The following BMP2 variants were observed in gnomAD, a reference collection of about 807,000 sequenced individuals.
BMP2 encodes bone morphogenetic protein 2, also known as bone morphogenetic protein 2A.
A neutral mutation model predicts 28.8 loss-of-function variants in BMP2; 2 were observed. That is an observed-to-expected ratio of 0.07 (90% CI 0.03 to 0.22). The LOEUF (loss-of-function observed/expected upper bound fraction) is 0.22, where lower values mean the gene tolerates loss of function less well. BMP2 is among the 10% of genes least tolerant of loss of function. The probability of loss-of-function intolerance (pLI) is 1.00; values close to 1 mark genes in which losing one functional copy is unlikely to be tolerated. For missense variants in BMP2, 437 were observed against 517.7 expected (o/e 0.84, Z 1.51); for synonymous variants, 218 against 204.3 (o/e 1.07, Z -0.57).
chr20:6,769,206 G>A (rs1316974689), intron 1 of BMP2, among the ~76,000 whole-genome samples: 2 of 152,016 alleles, frequency 1.3e-5, no homozygotes, highest in Non-Finnish European at 2.9e-5. Flanking sequence ...AAATCCCTTT[G>A]AGAGGGTAGC....
At chr20:6,772,764 C>T (rs1258233962) in intron 2 of BMP2, among the ~76,000 whole-genome samples, 1 of 152,132 alleles carries the variant, frequency 6.6e-6, no homozygotes, top group African/African-American at 2.4e-5. Flanking sequence ...ATAATGCGAC[C>T]ATATCATAGG....
chr20:6,773,926 G>A (rs991302263), intron 2 of BMP2, among the ~76,000 whole-genome samples: 3 of 152,008 alleles, frequency 2.0e-5, no homozygotes, highest in African/African-American at 7.3e-5. Context: ...TAAAATCCTC[G>A]AAGCATAACG....
intron 2 of BMP2, among the ~76,000 whole-genome samples, chr20:6,773,619 T>G (rs1568548490): frequency 6.6e-6 from 1 of 152,224 alleles, no homozygotes; most frequent in Admixed American, 6.5e-5. Context: ...GTGTTAAGGG[T>G]GGGCAGAGGC....
chr20:6,775,036 G>A (rs1275915367), intron 2 of BMP2, among the ~76,000 whole-genome samples: 2 of 152,148 alleles, frequency 1.3e-5, no homozygotes, highest in Non-Finnish European at 2.9e-5. Flanking sequence ...GAACTTAGAA[G>A]CTCACAAACT....
Position 6,778,733 on chromosome 20 carries a change from A to G in BMP2, c.835A>G (p.Arg279Gly). The G allele has an allele frequency of 6.2e-7, 1 of 1,614,244 alleles. No homozygotes were observed. Reference sequence around the variant, plus strand: ...TGGAAAAGGGCATCCTCTCCACAAAAGAGAAAAACGTCAAGCCAAACACAA... The same window carrying G: ...TGGAAAAGGGCATCCTCTCCACAAAGGAGAAAAACGTCAAGCCAAACACAA... The part of the protein sequence containing the change: ...HDGKGHPLHK[R>G]EKRQAKHKQR... The change falls in exon 3 of 3, where the codon AGA becomes GGA. Residue 279 changes from arginine to glycine, a missense_variant. Physicochemically the swap from Arg to Gly is moderately radical, Grantham distance 125 (BLOSUM62 -2). Transcript: ENST00000378827. The surrounding 1 kb of genome is among the most constrained non-coding windows in gnomAD (Gnocchi z 5.0).
Position 6,770,669 on chromosome 20 carries a change from A to G in BMP2, c.346+197A>G, listed in dbSNP as rs7270163. Among the ~76,000 whole-genome samples, 25,594 of 152,198 alleles carry G rather than the reference A, an allele frequency of 0.17. 2,727 individuals are homozygous for G. Among genetic ancestry groups the G allele is most frequent in the African/African-American group, 0.29 (12,136 of 41,496 alleles). On this transcript the variant is annotated intron_variant, in intron 2 of 2. Transcript: ENST00000378827. ...GTGGGGGAGCCAGGGATTCCCCTTT[A>G]GTAACTCCGCACCCTCTTCCTGGCT...
chr20:6,777,142 A>C (rs974118182), intron 2 of BMP2, among the ~76,000 whole-genome samples: 2 of 152,302 alleles, frequency 1.3e-5, no homozygotes, highest in African/African-American at 4.8e-5. Flanking sequence ...CAAGCATTCA[A>C]GGTGCTGTGT....
chr20:6,770,143 G>T lies in BMP2; in HGVS notation c.17G>T (p.Arg6Leu). ...AGGTCGACCATGGTGGCCGGGACCC[G>T]CTGTCTTCTAGCGTTGCTGCTTCCC... MVAGT[R>L]CLLALLLPQV... Residue 6 changes from arginine (R) to leucine (L), a missense_variant, in exon 2 of 3, where the codon CGC (arginine) becomes CTC (leucine). Arg to Leu is a moderately radical substitution (Grantham distance 102, BLOSUM62 -2). Transcript: ENST00000378827. The T allele has an allele frequency of 1.3e-6, 2 of 1,553,298 alleles. No homozygotes were observed. The highest frequency in any genetic ancestry group is 1.7e-6 in the Non-Finnish European group (2 of 1,149,232).
chr20:6,767,904 C>A lies in BMP2; in HGVS notation c.-979C>A. On this transcript the variant is annotated 5_prime_UTR_variant, in exon 1 of 3. Transcript: ENST00000378827. ...GCACCCGCGCGCCGCAGACCCCGCGCGGGCTGGAGCACCCGGCAGAGCGCG... is the reference window on the plus strand; with the variant it reads ...GCACCCGCGCGCCGCAGACCCCGCGAGGGCTGGAGCACCCGGCAGAGCGCG... 2.7e-6 allele frequency: 1 copy of A among 376,942 alleles called. No homozygotes were observed. Among genetic ancestry groups the A allele is most frequent in the Admixed American group, 4.6e-5 (1 of 21,926 alleles). The allele number at this position is 376,942 out of a possible 1,614,324, so 23.3% of individuals were successfully genotyped here.
chr20:6,772,445 T>C (rs560420891), intron 2 of BMP2, among the ~76,000 whole-genome samples: 1 of 152,368 alleles, frequency 6.6e-6, no homozygotes, highest in East Asian at 1.9e-4. Flanking sequence ...TATATCATCC[T>C]TAATCTGGAT....
chr20:6,769,706 T>C (rs987472319), intron 1 of BMP2, among the ~76,000 whole-genome samples: 3 of 152,012 alleles, frequency 2.0e-5, no homozygotes, highest in Non-Finnish European at 2.9e-5. Context: ...TGTGTGTTTA[T>C]ATGCCAGACA....
rs946355096 is a variant in BMP2, at chr20:6,779,240, C to T, written c.*151C>T. The T allele has an allele frequency of 8.7e-5, 23 of 264,664 alleles. No homozygotes were observed. The highest frequency in any genetic ancestry group is 8.1e-4 in the South Asian group (5 of 6,208). The allele number at this position is 264,664 out of a possible 1,614,324, so 16.4% of individuals were successfully genotyped here. A position where few individuals can be genotyped will look rare whatever the true frequency, so the allele number is the denominator to read the frequency against. ...TGGAATGGAATGGAAAAAAAAACAG[C>T]TATTTTGAAAATATATTTATATCTA... On this transcript the variant is annotated 3_prime_UTR_variant, in exon 3 of 3. Coordinates refer to ENST00000378827, the MANE Select transcript of BMP2 (RefSeq NM_001200.4).
chr20:6,777,567 G>A (rs924965318), intron 2 of BMP2, among the ~76,000 whole-genome samples: 1 of 152,134 alleles, frequency 6.6e-6, no homozygotes, highest in African/African-American at 2.4e-5. Context: ...TCTTGAAATT[G>A]TTTGGCCTTA....
chr20:6,777,397 G>A (rs1339606526), intron 2 of BMP2, among the ~76,000 whole-genome samples: 3 of 151,626 alleles, frequency 2.0e-5, no homozygotes, highest in African/African-American at 7.3e-5. Flanking sequence ...TACTGGGTAG[G>A]TACATGGTTT....
rs1422724017 is a variant in BMP2, at chr20:6,778,538, A to G, written c.640A>G (p.Met214Val). 6.2e-7 allele frequency: 1 copy of G among 1,614,210 alleles called. No individual in the cohort carries two copies. The change falls in exon 3 of 3, where the codon ATG (methionine) becomes GTG (valine). Residue 214 changes from methionine to valine, a missense_variant. Physicochemically the swap from Met to Val is conservative, Grantham distance 21. Coordinates refer to ENST00000378827, the MANE Select transcript of BMP2 (RefSeq NM_001200.4). This position sits in a 1 kb window ranked among gnomAD's most constrained non-coding sequence, Gnocchi z 5.0. Reference sequence around the variant, plus strand: ...AAGTTTTGATGTCACCCCCGCTGTGATGCGGTGGACTGCACAGGGACACGC... The same window carrying G: ...AAGTTTTGATGTCACCCCCGCTGTGGTGCGGTGGACTGCACAGGGACACGC... Reference protein sequence around the residue: ...WESFDVTPAVMRWTAQGHANH... With the variant: ...WESFDVTPAVVRWTAQGHANH...
At chr20:6,777,284 A>G (rs796620726) in intron 2 of BMP2, among the ~76,000 whole-genome samples, 8 of 152,306 alleles carry the variant, frequency 5.3e-5, no homozygotes, top group African/African-American at 1.9e-4. Context: ...TAGAAGGATT[A>G]TTCTGTAATA....
chr20:6,768,101 C>A lies in BMP2; in HGVS notation c.-782C>A, dbSNP rs1310253892. 1.3e-5 allele frequency: 5 copies of A among 398,090 alleles called. No homozygotes were observed. The highest frequency in any genetic ancestry group is 2.2e-5 in the Non-Finnish European group (5 of 225,806). The allele number at this position is 398,090 out of a possible 1,614,324, so 24.7% of individuals were successfully genotyped here. A position where few individuals can be genotyped will look rare whatever the true frequency, so the allele number is the denominator to read the frequency against. On this transcript the variant is annotated 5_prime_UTR_variant, in exon 1 of 3. Coordinates refer to ENST00000378827, the MANE Select transcript of BMP2 (RefSeq NM_001200.4). The stretch of plus-strand genomic sequence containing the variant: ...GTGTGATCGGACCCCAGGCTAGCCA[C>A]AAAGGGCACTTGGCCCCAGGGCTAG...
At position 6,777,491 on chromosome 20, in the gene BMP2, A is replaced by G. The variant is rs144747663; in HGVS notation, c.347-754A>G. Among the ~76,000 whole-genome samples, 290 of 152,236 alleles carry G rather than the reference A, an allele frequency of 1.9e-3. 3 individuals carry two copies. Among genetic ancestry groups the G allele is most frequent in the South Asian group, 0.019 (90 of 4,820 alleles). On this transcript the variant is annotated intron_variant, in intron 2 of 2. Transcript: ENST00000378827. The stretch of plus-strand genomic sequence containing the variant: ...TATTTTTCTTCCAAAAGCATCTAAA[A>G]TGAGATTTTGATATTTGAGGTCATA...
In BMP2 at chr20:6,768,652, G is replaced by A. The variant is rs977866523; in HGVS notation, c.-231G>A. 1.5e-5 allele frequency: 6 copies of A among 396,078 alleles called. No homozygotes were observed. The highest frequency in any genetic ancestry group is 6.2e-5 in the African/African-American group (3 of 48,546). 24.5% of individuals were successfully genotyped at this position (396,078 alleles called of 1,614,324 possible). A position where few individuals can be genotyped will look rare whatever the true frequency, so the allele number is the denominator to read the frequency against. ...GCGGAGCCTGCTTCGCCATCTCCGA[G>A]CCCCACCGCCCCTCCACTCCTCGGC... On this transcript the variant is annotated 5_prime_UTR_variant, in exon 1 of 3. Transcript: ENST00000378827.
Sources: gnomAD v4.1 joint callset for allele counts (sites outside exome capture counted in the v4.1 genomes callset) on GRCh38, gnomAD v4.1.1 for gene constraint, Gnocchi (gnomAD v3.1) non-coding constraint, MANE v1.5 for transcripts, NCBI Gene and HGNC (gene_info 2026-07-23, HGNC 2026-07-21) for gene names.